RUNX1: variants seen among roughly 807,000 people sequenced by gnomAD.
RUNX1 encodes runt-related transcription factor 1.
In RUNX1, 19 loss-of-function variants were observed where a neutral mutation model predicts 42.8. The ratio of observed to expected loss-of-function variants is 0.44; its 90% CI spans 0.31 to 0.65. The LOEUF (loss-of-function observed/expected upper bound fraction) is 0.65, where lower values mean the gene tolerates loss of function less well. Among genes scored for constraint, RUNX1 ranks in the 30% least tolerant of loss-of-function variants. RUNX1 has a pLI of 0.07. For synonymous variants in RUNX1, 271 were observed against 289.4 expected (o/e 0.94, Z 0.64); for missense variants, 528 against 672.0 (o/e 0.79, Z 2.37).
rs147647198 is a variant in RUNX1 at position 35,026,235 on chromosome 21, C to T, written c.58+22607G>A. 3.6e-4 allele frequency among the ~76,000 whole-genome samples: 55 copies of T among 152,268 alleles called. No individual in the cohort carries two copies. The East Asian group carries it at 0.01, about 28-fold the overall frequency. Reference sequence around the variant, plus strand: ...GTTTATTTTCAAGTACATTCTTTACCTCGGGGGGTCAAATCTTTTGGTTTC... The same window carrying T: ...GTTTATTTTCAAGTACATTCTTTACTTCGGGGGGTCAAATCTTTTGGTTTC... On this transcript the variant is annotated intron_variant, in intron 2 of 8. Coordinates refer to ENST00000675419, the MANE Select transcript of RUNX1 (RefSeq NM_001754.5).
intron 2 of RUNX1, among the ~76,000 whole-genome samples, chr21:34,945,813 C>T (rs1406456365): frequency 6.6e-6 from 1 of 152,162 alleles, no homozygotes; most frequent in African/African-American, 2.4e-5. Flanking sequence ...ACTATTGTAT[C>T]TATGAATGTG....
At chr21:34,830,599 AG>A (rs916125531) in intron 7 of RUNX1, among the ~76,000 whole-genome samples, 5 of 152,226 alleles carry the variant, frequency 3.3e-5, no homozygotes, top group Non-Finnish European at 7.3e-5. Flanking sequence ...GTGCACGCCC[AG>A]GGAACGGCCA....
intron 2 of RUNX1, among the ~76,000 whole-genome samples, chr21:34,982,055 T>C (rs951697854): frequency 2.6e-5 from 4 of 152,228 alleles, no homozygotes; most frequent in African/African-American, 9.6e-5. Context: ...TACATGCCAA[T>C]GCTGGAGGAG....
intron 2 of RUNX1, among the ~76,000 whole-genome samples, chr21:34,993,708 GACAC>G (rs1350755047): frequency 7.2e-5 from 4 of 55,394 alleles, no homozygotes; most frequent in Admixed American, 5.4e-4. Flanking sequence ...CACACACACA[GACAC>G]ACACAGGCAC....
At chr21:34,927,847 T>C (rs191682086) in intron 2 of RUNX1, among the ~76,000 whole-genome samples, 2 of 152,366 alleles carry the variant, frequency 1.3e-5, no homozygotes, top group Admixed American at 1.3e-4. Context: ...AGCTAATGGA[T>C]GGACCAGCGA....
chr21:34,853,107 G>A (rs1307417426), intron 6 of RUNX1, among the ~76,000 whole-genome samples: 4 of 152,160 alleles, frequency 2.6e-5, no homozygotes, highest in Admixed American at 6.5e-5. Context: ...GGCCAACACC[G>A]GAAGAAGAGG....
At chr21:35,013,713 C>G (rs757247598) in intron 2 of RUNX1, among the ~76,000 whole-genome samples, 37 of 152,176 alleles carry the variant, frequency 2.4e-4, no homozygotes, top group Non-Finnish European at 4.9e-4. Context: ...GCCTTTGAAA[C>G]AGATGTCTAT....
chr21:34,806,516 G>C (rs955259060), intron 7 of RUNX1, among the ~76,000 whole-genome samples: 3 of 152,218 alleles, frequency 2.0e-5, no homozygotes, highest in African/African-American at 7.2e-5. Context: ...CGGAGAAATA[G>C]GTAAATACGC....
At position 34,793,706 on chromosome 21, in the gene RUNX1, CTTT is replaced by C. The variant is rs35219772; in HGVS notation, c.968-1099_968-1097del. Among the ~76,000 whole-genome samples, 74 of 144,712 alleles carry C rather than the reference CTTT, an allele frequency of 5.1e-4. 1 individual carries two copies. In the East Asian group the frequency reaches 0.011, roughly 21 times the overall value. 94.9% of individuals were successfully genotyped at this position (144,712 alleles called of 152,430 possible). A position where few individuals can be genotyped will look rare whatever the true frequency, so the allele number is the denominator to read the frequency against. On this transcript the variant is annotated intron_variant, in intron 8 of 8. Coordinates refer to ENST00000675419, the MANE Select transcript of RUNX1 (RefSeq NM_001754.5). ...AGGAGCCACAGAGCAAATATTTATT[CTTT>C]TTTTTTTTTTTGGAGACAAAGTCTC...
intron 6 of RUNX1, among the ~76,000 whole-genome samples, chr21:34,838,311 GATAGA>G (rs768761167): frequency 1.8e-4 from 27 of 152,158 alleles, no homozygotes; most frequent in African/African-American, 6.0e-4. Flanking sequence ...ATTTTGGTTA[GATAGA>G]ATAAAGAATT....
chr21:34,999,542 G>C (rs2059024267), intron 2 of RUNX1, among the ~76,000 whole-genome samples: 1 of 152,188 alleles, frequency 6.6e-6, no homozygotes, highest in South Asian at 2.1e-4. Flanking sequence ...TTGGCCTGCA[G>C]ATCTCAGGGT....
chr21:34,850,394 T>C (rs532072631), intron 6 of RUNX1, among the ~76,000 whole-genome samples: 2 of 152,340 alleles, frequency 1.3e-5, no homozygotes, highest in South Asian at 4.1e-4. Context: ...CATGTTTATG[T>C]GCTTGCAAAG....
At chr21:34,875,509 G>A (rs2057801723) in intron 5 of RUNX1, among the ~76,000 whole-genome samples, 1 of 131,786 alleles carries the variant, frequency 7.6e-6, no homozygotes, top group Admixed American at 7.4e-5. Context: ...AGAAGAAAGT[G>A]GGAAAATGGG....
intron 2 of RUNX1, among the ~76,000 whole-genome samples, chr21:34,930,270 G>GTGTATGTATATATA (rs372412304): frequency 1.6e-5 from 2 of 123,038 alleles, no homozygotes; most frequent in African/African-American, 7.5e-5. Flanking sequence ...GTGTGTGTAT[G>GTGTATGTATATATA]TATATATATA....
chr21:35,018,898 A>C lies in RUNX1; in HGVS notation c.58+29944T>G, dbSNP rs989699721. 1.3e-4 allele frequency among the ~76,000 whole-genome samples: 20 copies of C among 152,200 alleles called. No homozygotes were observed. The East Asian group carries it at 3.9e-3, about 29-fold the overall frequency. Reference sequence around the variant, plus strand: ...ACCCCTCAGGAATAGGGATTATCTTAATCTTTTTGGAGGCCTAAGACTTAG... The same window carrying C: ...ACCCCTCAGGAATAGGGATTATCTTCATCTTTTTGGAGGCCTAAGACTTAG... On this transcript the variant is annotated intron_variant, in intron 2 of 8. Transcript: ENST00000675419.
intron 2 of RUNX1, among the ~76,000 whole-genome samples, chr21:34,993,654 C>A: frequency 6.8e-6 from 1 of 146,606 alleles, no homozygotes; most frequent in Non-Finnish European, 1.5e-5. Context: ...GGCACACACA[C>A]ACAGACACAC....
intron 7 of RUNX1, among the ~76,000 whole-genome samples, chr21:34,816,107 A>C (rs1429458142): frequency 6.6e-6 from 1 of 152,230 alleles, no homozygotes; most frequent in African/African-American, 2.4e-5. Context: ...GAAACAGCCA[A>C]AGGGCCCCAG....
In RUNX1 at chr21:34,858,650, A is replaced by G. The variant is rs142967168; in HGVS notation, c.613+824T>C. On this transcript the variant is annotated intron_variant, in intron 6 of 8. Transcript: ENST00000675419. Reference sequence around the variant, plus strand: ...ATCCCTCACTCCAAGAAGAGAGTATATTAATTTTCCACCAGGGACCTGATA... The same window carrying G: ...ATCCCTCACTCCAAGAAGAGAGTATGTTAATTTTCCACCAGGGACCTGATA... Among the ~76,000 whole-genome samples the G allele has an allele frequency of 3.2e-3, 493 of 152,288 alleles. 5 individuals carry two copies. Among genetic ancestry groups the G allele is most frequent in the African/African-American group, 0.011 (459 of 41,562 alleles).
At chr21:34,970,447 CAGA>C (rs1341436525) in intron 2 of RUNX1, among the ~76,000 whole-genome samples, 1 of 152,202 alleles carries the variant, frequency 6.6e-6, no homozygotes, top group African/African-American at 2.4e-5. Flanking sequence ...ACAGATGTGG[CAGA>C]AGAACAGGGG....
Sources: allele counts gnomAD v4.1 joint callset (sites outside exome capture counted in the v4.1 genomes callset), GRCh38; gene constraint gnomAD v4.1.1; transcripts MANE v1.5; gene names NCBI Gene and HGNC (gene_info 2026-07-23, HGNC 2026-07-21).